Variants in KLF12 observed in about 807,000 individuals in gnomAD.
KLF12 encodes the protein Krueppel-like factor 12.
A neutral mutation model predicts 37.8 loss-of-function variants in KLF12; 9 were observed. That is an observed-to-expected ratio of 0.24 (90% CI 0.14 to 0.42). The LOEUF is 0.42. KLF12 is among the 10% of genes least tolerant of loss of function. The pLI is 1.00. For missense variants in KLF12, 411 were observed against 516.0 expected (o/e 0.80, Z 1.97); for synonymous variants, 208 against 202.1 (o/e 1.03, Z -0.25).
intron 4 of KLF12, among the ~76,000 whole-genome samples, chr13:73,833,013 A>G (rs914994500): frequency 1.3e-5 from 2 of 152,346 alleles, no homozygotes; most frequent in Admixed American, 6.5e-5. Context: ...GGGATTACTC[A>G]TACTCCACAG....
chr13:73,831,872 G>A (rs556768223), intron 4 of KLF12, among the ~76,000 whole-genome samples: 1 of 152,176 alleles, frequency 6.6e-6, no homozygotes, highest in African/African-American at 2.4e-5. Flanking sequence ...TGTGACTATT[G>A]GGCATCCATA....
At chr13:74,252,317 G>T in the KLF12 span, among the ~76,000 whole-genome samples, 309 of 152,326 alleles carry the variant, frequency 2.0e-3, 2 homozygotes, top group Non-Finnish European at 3.1e-3. Flanking sequence ...TTAGGCTGTT[G>T]TGACTGCTGC....
intron 1 of KLF12, among the ~76,000 whole-genome samples, chr13:74,051,118 T>C (rs1024221430): frequency 6.6e-6 from 1 of 152,122 alleles, no homozygotes; most frequent in East Asian, 1.9e-4. Context: ...TACAGAAAAG[T>C]GTGTAAGTTC....
chr13:73,814,151 C>T (rs750327395), intron 4 of KLF12, among the ~76,000 whole-genome samples: 27 of 152,204 alleles, frequency 1.8e-4, no homozygotes, highest in Non-Finnish European at 3.1e-4. Context: ...CCTCGCTTCA[C>T]GCACAAACTA....
intron 5 of KLF12, among the ~76,000 whole-genome samples, chr13:73,766,039 AAACCCAGAGCCAGACTGCAC>A (rs1192020821): frequency 1.2e-4 from 18 of 152,226 alleles, no homozygotes; most frequent in African/African-American, 4.3e-4. Context: ...GTCTTTCCCT[AAACCCAGAGCCAGACTGCAC>A]TTTGCACTCG....
At chr13:74,236,000 T>C in the KLF12 span, among the ~76,000 whole-genome samples, 5,388 of 150,544 alleles carry the variant, frequency 0.036, 301 homozygotes, top group African/African-American at 0.12. Flanking sequence ...AATGTGCAGG[T>C]TAGTTACATA....
At chr13:74,288,495 A>C in the KLF12 span, among the ~76,000 whole-genome samples, 1 of 152,202 alleles carries the variant, frequency 6.6e-6, no homozygotes, top group Non-Finnish European at 1.5e-5. Flanking sequence ...TTCAGGCAGA[A>C]TGAGCTGAAA....
At chr13:74,045,484 A>G (rs568781252) in intron 1 of KLF12, among the ~76,000 whole-genome samples, 1 of 152,284 alleles carries the variant, frequency 6.6e-6, no homozygotes, top group African/African-American at 2.4e-5. Context: ...ATGTGATCAC[A>G]AAACCTAATG....
rs149539676 is a variant in KLF12 at position 74,130,042 on chromosome 13, G to C, written c.-32+3697C>G. Among the ~76,000 whole-genome samples the C allele has an allele frequency of 2.6e-3, 395 of 152,334 alleles. 2 individuals are homozygous for C. The highest frequency in any genetic ancestry group is 9.1e-3 in the African/African-American group (377 of 41,588). ...ATCCAGAAACTTAGCAGGTCTAACA[G>C]AGCCTAAGACTGTTGACCTTCTGGG... On this transcript the variant is annotated intron_variant, in intron 1 of 7. Transcript: ENST00000377669.
intron 2 of KLF12, among the ~76,000 whole-genome samples, chr13:73,992,302 G>T (rs1891989849): frequency 6.6e-6 from 1 of 152,200 alleles, no homozygotes; most frequent in Non-Finnish European, 1.5e-5. Context: ...GCTGGTATTT[G>T]TGAGCAGGAA....
the KLF12 span, among the ~76,000 whole-genome samples, chr13:74,182,757 A>T: frequency 6.6e-6 from 1 of 152,230 alleles, no homozygotes; most frequent in South Asian, 2.1e-4. Context: ...CTTCCACAAA[A>T]CATTAACAAC....
intron 3 of KLF12, among the ~76,000 whole-genome samples, chr13:73,921,845 T>C (rs112341345): frequency 2.8e-4 from 42 of 152,322 alleles, no homozygotes; most frequent in African/African-American, 8.9e-4. Flanking sequence ...GCCCTGAGGA[T>C]GGAGGAAGTG....
At chr13:73,921,177 G>T (rs897856352) in intron 3 of KLF12, among the ~76,000 whole-genome samples, 1 of 152,096 alleles carries the variant, frequency 6.6e-6, no homozygotes, top group African/African-American at 2.4e-5. Flanking sequence ...TATGAAGAGG[G>T]TATTTAAACT....
At chr13:74,073,072 C>T (rs1874370055) in intron 1 of KLF12, among the ~76,000 whole-genome samples, 1 of 152,200 alleles carries the variant, frequency 6.6e-6, no homozygotes, top group Admixed American at 6.5e-5. Flanking sequence ...TGCTCTCCTG[C>T]CTGCTGCCAC....
At chr13:74,280,556 T>G in the KLF12 span, among the ~76,000 whole-genome samples, 3 of 152,220 alleles carry the variant, frequency 2.0e-5, no homozygotes, top group Non-Finnish European at 2.9e-5. Flanking sequence ...GGGAGGCTAA[T>G]GAAAGAGACC....
At chr13:73,866,987 G>C (rs1886206714) in intron 3 of KLF12, among the ~76,000 whole-genome samples, 1 of 151,978 alleles carries the variant, frequency 6.6e-6, no homozygotes, top group Admixed American at 6.6e-5. Context: ...ATGCCACAGG[G>C]GCAATGTAAT....
At position 73,746,810 on chromosome 13, in the gene KLF12, C is replaced by CTTTTTT. The variant is rs776746904; in HGVS notation, c.869+18122_869+18127dup. 1.8e-4 allele frequency among the ~76,000 whole-genome samples: 21 copies of CTTTTTT among 119,832 alleles called. 2 individuals carry two copies. The highest frequency in any genetic ancestry group is 2.0e-4 in the African/African-American group (6 of 29,890). The allele number at this position is 119,832 out of a possible 152,430, so 78.6% of individuals were successfully genotyped here. A position where few individuals can be genotyped will look rare whatever the true frequency, so the allele number is the denominator to read the frequency against. ...TTAAAGCCATGCCCCTCCCTCCCTC[C>CTTTTTT]TTTTTTTTTTTTTTTTTTTTGAGAT... On this transcript the variant is annotated intron_variant, in intron 6 of 7. Coordinates refer to ENST00000377669, the MANE Select transcript of KLF12 (RefSeq NM_007249.5).
the KLF12 span, among the ~76,000 whole-genome samples, chr13:74,248,350 G>C: frequency 6.6e-6 from 1 of 152,196 alleles, no homozygotes; most frequent in African/African-American, 2.4e-5. Flanking sequence ...ATGCATTGCT[G>C]TTGGCCAAGA....
intron 3 of KLF12, among the ~76,000 whole-genome samples, chr13:73,906,269 A>T (rs375676097): frequency 1.3e-5 from 2 of 152,302 alleles, no homozygotes; most frequent in East Asian, 3.9e-4. Context: ...ATGTTTTATT[A>T]GTTCATAAAA....
Sources: allele counts gnomAD v4.1 joint callset (sites outside exome capture counted in the v4.1 genomes callset), GRCh38; gene constraint gnomAD v4.1.1; transcripts MANE v1.5; gene names NCBI Gene and HGNC (gene_info 2026-07-23, HGNC 2026-07-21).